The following RALYL variants were observed in gnomAD, a reference collection of about 807,000 sequenced individuals.
The protein encoded by RALYL is RNA-binding Raly-like protein.
RALYL carries 29 observed loss-of-function variants against 35.1 expected under a neutral mutation model. The ratio of observed to expected loss-of-function variants is 0.83; its 90% CI spans 0.61 to 1.13. RALYL has a LOEUF of 1.13. RALYL is among the 50% of genes most tolerant of loss of function. The probability of loss-of-function intolerance (pLI) is 0.00; values close to 1 mark genes in which losing one functional copy is unlikely to be tolerated. For missense variants in RALYL, 359 were observed against 360.4 expected (o/e 1.00, Z 0.03); for synonymous variants, 120 against 127.6 (o/e 0.94, Z 0.40).
At chr8:84,712,096 A>C (rs1278502598) in intron 2 of RALYL, among the ~76,000 whole-genome samples, 1 of 152,086 alleles carries the variant, frequency 6.6e-6, no homozygotes, top group Non-Finnish European at 1.5e-5. Flanking sequence ...TTTCTCTATT[A>C]TTGATGCTTG....
chr8:84,826,587 T>A (rs1475449278), intron 4 of RALYL, among the ~76,000 whole-genome samples: 1 of 152,166 alleles, frequency 6.6e-6, no homozygotes. Flanking sequence ...TAGCAGTTTA[T>A]CATCTCTGAG....
chr8:84,557,830 G>A (rs2061233752), intron 2 of RALYL, among the ~76,000 whole-genome samples: 1 of 151,804 alleles, frequency 6.6e-6, no homozygotes, highest in African/African-American at 2.4e-5. Flanking sequence ...AAGACTTCAA[G>A]TCACACTGCC....
chr8:84,894,972 T>G (rs1844479259), intron 8 of RALYL, among the ~76,000 whole-genome samples: 1 of 152,112 alleles, frequency 6.6e-6, no homozygotes, highest in Admixed American at 6.6e-5. Flanking sequence ...TGGCTTTAGT[T>G]TTTCCATCTA....
chr8:84,471,197 A>G (rs180842933), intron 1 of RALYL, among the ~76,000 whole-genome samples: 4 of 152,182 alleles, frequency 2.6e-5, no homozygotes, highest in Admixed American at 1.3e-4. Context: ...AATATATTGA[A>G]CTAATATATT....
At chr8:84,503,682 C>G (rs1237842125) in intron 1 of RALYL, among the ~76,000 whole-genome samples, 2 of 151,900 alleles carry the variant, frequency 1.3e-5, no homozygotes, top group Non-Finnish European at 2.9e-5. Flanking sequence ...AACCACATCT[C>G]TACTAAAAAT....
intron 1 of RALYL, among the ~76,000 whole-genome samples, chr8:84,205,363 C>T (rs2131069500): frequency 6.6e-6 from 1 of 152,178 alleles, no homozygotes; most frequent in Middle Eastern, 3.4e-3. Flanking sequence ...AGGAAGGCCA[C>T]GTGTCTAGAA....
intron 1 of RALYL, among the ~76,000 whole-genome samples, chr8:84,492,120 G>A (rs1270040706): frequency 6.6e-6 from 1 of 151,856 alleles, no homozygotes; most frequent in African/African-American, 2.4e-5. Flanking sequence ...CAAAATAACT[G>A]AGAGAATGCA....
chr8:84,822,025 T>G (rs556366401), intron 4 of RALYL, among the ~76,000 whole-genome samples: 8 of 152,172 alleles, frequency 5.3e-5, no homozygotes, highest in Admixed American at 1.3e-4. Context: ...GTAGTTTTAT[T>G]CAGTGTTAGG....
intron 1 of RALYL, among the ~76,000 whole-genome samples, chr8:84,372,886 G>GTTTTTTTTTTTTTGTTTTGTTTTGT (rs1856071710): frequency 2.6e-5 from 1 of 39,064 alleles, no homozygotes; most frequent in Non-Finnish European, 4.5e-5. Context: ...GCCAGCATCT[G>GTTTTTTTTTTTTTGTTTTGTTTTGT]TTTTTTTTTT....
At chr8:84,414,517 GT>G (rs980750072) in intron 1 of RALYL, among the ~76,000 whole-genome samples, 1 of 152,084 alleles carries the variant, frequency 6.6e-6, no homozygotes. Flanking sequence ...AGATCATCCT[GT>G]TTTTGTGCCT....
At chr8:84,378,644 A>G (rs1431012461) in intron 1 of RALYL, among the ~76,000 whole-genome samples, 2 of 151,868 alleles carry the variant, frequency 1.3e-5, no homozygotes, top group African/African-American at 4.8e-5. Flanking sequence ...GGCCTTTGTA[A>G]TACTGAACAG....
At chr8:84,541,622 G>A (rs1020069495) in intron 2 of RALYL, among the ~76,000 whole-genome samples, 7 of 151,998 alleles carry the variant, frequency 4.6e-5, no homozygotes, top group East Asian at 1.9e-4. Context: ...CTTCCGCATC[G>A]TTACTGATTT....
At chr8:84,274,187 G>T (rs1478990255) in intron 1 of RALYL, among the ~76,000 whole-genome samples, 1 of 152,138 alleles carries the variant, frequency 6.6e-6, no homozygotes, top group East Asian at 1.9e-4. Flanking sequence ...AGCGCTGGTG[G>T]TGGTGATGCA....
chr8:84,644,264 C>G (rs1488347230), intron 2 of RALYL, among the ~76,000 whole-genome samples: 1 of 151,866 alleles, frequency 6.6e-6, no homozygotes, highest in Non-Finnish European at 1.5e-5. Flanking sequence ...GACTCTTTAG[C>G]CTAAAACAAT....
intron 1 of RALYL, among the ~76,000 whole-genome samples, chr8:84,264,049 A>C (rs1250303327): frequency 6.6e-6 from 1 of 152,078 alleles, no homozygotes; most frequent in Non-Finnish European, 1.5e-5. Flanking sequence ...TGTCCTTGCT[A>C]TTGTGAATAG....
At chr8:84,671,113 A>G (rs963629870) in intron 2 of RALYL, among the ~76,000 whole-genome samples, 5 of 152,172 alleles carry the variant, frequency 3.3e-5, no homozygotes, top group Non-Finnish European at 7.3e-5. Flanking sequence ...GGCCCTATGC[A>G]AGTCCAAAAT....
intron 2 of RALYL, among the ~76,000 whole-genome samples, chr8:84,676,640 A>T (rs1834246243): frequency 1.3e-5 from 2 of 152,172 alleles, no homozygotes; most frequent in African/African-American, 2.4e-5. Flanking sequence ...TCTGGATTTC[A>T]AGAAGCTATA....
At chr8:84,458,798 G>A (rs939067390) in intron 1 of RALYL, among the ~76,000 whole-genome samples, 4 of 151,418 alleles carry the variant, frequency 2.6e-5, no homozygotes, top group African/African-American at 9.7e-5. Flanking sequence ...TTGCTTGTAT[G>A]GTATTAAAAT....
chr8:84,464,387 C>A (rs565713575), intron 1 of RALYL, among the ~76,000 whole-genome samples: 1 of 150,882 alleles, frequency 6.6e-6, no homozygotes, highest in Non-Finnish European at 1.5e-5. Flanking sequence ...TGAGAATATG[C>A]GGTGTTTGGT....
Sources: allele counts gnomAD v4.1 joint callset (sites outside exome capture counted in the v4.1 genomes callset), GRCh38; gene constraint gnomAD v4.1.1; transcripts MANE v1.5; gene names NCBI Gene and HGNC (gene_info 2026-07-23, HGNC 2026-07-21).